GSTCD: variants seen among roughly 807,000 people sequenced by gnomAD.
The protein encoded by GSTCD is glutathione S-transferase C-terminal domain-containing protein.
In GSTCD, 44 loss-of-function variants were observed where a neutral mutation model predicts 68.3. That is an observed-to-expected ratio of 0.64 (90% confidence interval 0.51 to 0.83). The LOEUF is 0.83. Ranked by LOEUF, GSTCD falls within the 40% of genes least tolerant of loss-of-function variation. The pLI, the probability that GSTCD is intolerant of heterozygous loss-of-function variation, is 0.00. For synonymous variants in GSTCD, 273 were observed against 255.2 expected (o/e 1.07, Z -0.67); for missense variants, 739 against 735.9 (o/e 1.00, Z -0.05).
At chr4:105,806,285 T>C (rs1245579869) in intron 5 of GSTCD, among the ~76,000 whole-genome samples, 1 of 152,102 alleles carries the variant, frequency 6.6e-6, no homozygotes, top group African/African-American at 2.4e-5. Context: ...CTAAACTTTT[T>C]GAGCTTCTTT....
At chr4:105,728,771 G>T (rs960969284) in intron 4 of GSTCD, among the ~76,000 whole-genome samples, 6 of 152,072 alleles carry the variant, frequency 3.9e-5, no homozygotes, top group Non-Finnish European at 7.4e-5. Flanking sequence ...TGTATGCCAT[G>T]CCACTGTACG....
At chr4:105,736,869 T>A (rs1033140831) in intron 5 of GSTCD, among the ~76,000 whole-genome samples, 7 of 152,178 alleles carry the variant, frequency 4.6e-5, no homozygotes, top group Admixed American at 3.9e-4. Context: ...TTATTTAACA[T>A]AATTTCCTCC....
rs1259025752 is a variant in GSTCD, at chr4:105,822,974, G to C, written c.1261G>C (p.Ala421Pro). The C allele has an allele frequency of 6.2e-7, 1 of 1,613,272 alleles. No individual in the cohort carries two copies. Among genetic ancestry groups the C allele is most frequent in the South Asian group, 1.1e-5 (1 of 90,960 alleles). Residue 421 changes from alanine to proline, a missense_variant, in exon 6 of 12, where the codon GCT becomes CCT. Transcript: ENST00000515279. ...PKEGKMSSDR[A>P]LRKQQQLNNL... ...CTCAGGTAAAATGTCCAGTGATCGA[G>C]CTTTGAGGAAGCAGCAACAGTTGAA...
intron 5 of GSTCD, among the ~76,000 whole-genome samples, chr4:105,801,427 G>C (rs142441278): frequency 6.6e-6 from 1 of 152,246 alleles, no homozygotes; most frequent in Non-Finnish European, 1.5e-5. Flanking sequence ...TATCAAGACG[G>C]AATGAGTGCA....
intron 5 of GSTCD, among the ~76,000 whole-genome samples, chr4:105,770,167 C>T (rs191193591): frequency 2.0e-5 from 3 of 152,264 alleles, no homozygotes; most frequent in East Asian, 1.9e-4. Context: ...AACCACATAG[C>T]GGCAAACTGA....
chr4:105,747,031 A>G (rs1404540540), intron 5 of GSTCD, among the ~76,000 whole-genome samples: 2 of 152,176 alleles, frequency 1.3e-5, no homozygotes, highest in Non-Finnish European at 2.9e-5. Flanking sequence ...GGCAGATACA[A>G]GGTGAAGAAT....
intron 5 of GSTCD, among the ~76,000 whole-genome samples, chr4:105,743,340 T>G (rs1733698792): frequency 6.6e-6 from 1 of 152,188 alleles, no homozygotes; most frequent in Non-Finnish European, 1.5e-5. Flanking sequence ...TTCAATAGAC[T>G]GTGAACTCTT....
At chr4:105,721,862 C>T (rs183076750) in intron 3 of GSTCD, among the ~76,000 whole-genome samples, 2 of 152,186 alleles carry the variant, frequency 1.3e-5, no homozygotes, top group African/African-American at 4.8e-5. Context: ...AATATGTACA[C>T]TCATGTTTCC....
At chr4:105,777,130 A>C (rs1342140055) in intron 5 of GSTCD, among the ~76,000 whole-genome samples, 1 of 152,230 alleles carries the variant, frequency 6.6e-6, no homozygotes, top group Non-Finnish European at 1.5e-5. Flanking sequence ...AAAGCTGACC[A>C]AATAAATTCT....
At position 105,717,924 on chromosome 4, in the gene GSTCD, G is replaced by A; in HGVS notation, c.311G>A (p.Gly104Glu). The A allele has an allele frequency of 6.2e-7, 1 of 1,614,092 alleles. No individual in the cohort carries two copies. The highest frequency in any genetic ancestry group is 8.5e-7 in the Non-Finnish European group (1 of 1,179,998). ...VERSDNFCRA[G>E]LAVVLRHIIQ... The stretch of plus-strand genomic sequence containing the variant: ...CGATCAGACAATTTTTGTAGAGCAG[G>A]ACTTGCTGTTGTATTGAGACACATA... Residue 104 changes from glycine (G) to glutamate (E), a missense_variant, in exon 2 of 12, where the codon GGA becomes GAA. Physicochemically the swap from Gly to Glu is moderately conservative, Grantham distance 98. Coordinates refer to ENST00000515279, the MANE Select transcript of GSTCD (RefSeq NM_001370181.1).
At chr4:105,743,144 G>T (rs1733687748) in intron 5 of GSTCD, among the ~76,000 whole-genome samples, 2 of 151,934 alleles carry the variant, frequency 1.3e-5, no homozygotes, top group East Asian at 1.9e-4. Flanking sequence ...TAGAGACGGG[G>T]TTTCACCATG....
chr4:105,721,037 TC>T (rs955791834), intron 3 of GSTCD, among the ~76,000 whole-genome samples: 7 of 151,954 alleles, frequency 4.6e-5, no homozygotes, highest in African/African-American at 7.3e-5. Flanking sequence ...AGTGGTGTAA[TC>T]GCAGCTCACT....
At chr4:105,751,947 G>A (rs1218437383) in intron 5 of GSTCD, among the ~76,000 whole-genome samples, 1 of 152,146 alleles carries the variant, frequency 6.6e-6, no homozygotes, top group East Asian at 1.9e-4. Flanking sequence ...AATCCCGTGG[G>A]ACTACTTTGC....
intron 9 of GSTCD, among the ~76,000 whole-genome samples, chr4:105,837,283 C>T (rs1373134138): frequency 3.3e-5 from 5 of 152,178 alleles, no homozygotes; most frequent in Non-Finnish European, 5.9e-5. Context: ...TTCCAGGCCA[C>T]TATCCCCCTG....
intron 8 of GSTCD, among the ~76,000 whole-genome samples, chr4:105,830,888 C>CA (rs888102924): frequency 1.0e-4 from 15 of 150,692 alleles, no homozygotes; most frequent in South Asian, 4.2e-4. Context: ...TATAAATGTG[C>CA]AAAAAAAAGG....
rs1481984283 is a variant in GSTCD at position 105,847,267 on chromosome 4, A to T, written c.*1690A>T. 1.3e-5 allele frequency: 2 copies of T among 151,172 alleles called. No homozygotes were observed. The highest frequency in any genetic ancestry group is 2.1e-4 in the South Asian group (1 of 4,776). The allele number at this position is 151,172 out of a possible 1,614,324, so 9.4% of individuals were successfully genotyped here. ...GCACTATCATTGATCATCACTATGG[A>T]TTAAAATATAGGAATATTTTACAGG... On this transcript the variant is annotated 3_prime_UTR_variant, in exon 12 of 12. Transcript: ENST00000515279.
chr4:105,836,695 A>G (rs990840979), intron 9 of GSTCD, among the ~76,000 whole-genome samples: 6 of 152,238 alleles, frequency 3.9e-5, no homozygotes, highest in Non-Finnish European at 8.8e-5. Context: ...AGGTCACCAC[A>G]GTGCCTGGGC....
At chr4:105,770,817 G>A (rs1317474670) in intron 5 of GSTCD, among the ~76,000 whole-genome samples, 1 of 152,172 alleles carries the variant, frequency 6.6e-6, no homozygotes, top group Middle Eastern at 3.2e-3. Flanking sequence ...ATTGTGAACA[G>A]TGCTGCAATA....
chr4:105,834,616 A>C, intron 9 of GSTCD, 22 bp downstream of exon 9: 2 of 1,610,158 alleles, frequency 1.2e-6, no homozygotes, highest in East Asian at 2.2e-5. Context: ...AGTGTTCTAC[A>C]TAAGACACCA....
Sources: gnomAD v4.1 joint callset for allele counts (sites outside exome capture counted in the v4.1 genomes callset) on GRCh38, gnomAD v4.1.1 for gene constraint, MANE v1.5 for transcripts, NCBI Gene and HGNC (gene_info 2026-07-23, HGNC 2026-07-21) for gene names.